Variants in MYMK observed in about 807,000 individuals in gnomAD.
MYMK encodes the protein protein myomaker.
A neutral mutation model predicts 22.4 loss-of-function variants in MYMK; 16 were observed. That is an observed-to-expected ratio of 0.72 (90% CI 0.48 to 1.09). The LOEUF (loss-of-function observed/expected upper bound fraction) is 1.09, where lower values mean the gene tolerates loss of function less well. Ranked by LOEUF, MYMK falls within the 50% of genes least tolerant of loss-of-function variation. The pLI, the probability that MYMK is intolerant of heterozygous loss-of-function variation, is 0.00. For synonymous variants in MYMK, 125 were observed against 127.0 expected (o/e 0.98, Z 0.11); for missense variants, 250 against 295.6 (o/e 0.85, Z 1.13).
intron 3 of MYMK, among the ~76,000 whole-genome samples, 187 bp downstream of exon 3, chr9:133,518,687 T>C (rs368333013): frequency 3.3e-4 from 50 of 151,956 alleles, no homozygotes; most frequent in Non-Finnish European, 5.9e-4. Context: ...CAGACAAGCG[T>C]CACACACAGT....
At chr9:133,523,098 C>A (rs1474045883) in intron 1 of MYMK, among the ~76,000 whole-genome samples, 2 of 152,244 alleles carry the variant, frequency 1.3e-5, no homozygotes, top group African/African-American at 2.4e-5. Flanking sequence ...GCCACTGTCA[C>A]CCCTGGGAGT....
At chr9:133,521,978 G>C (rs557360334) in intron 1 of MYMK, among the ~76,000 whole-genome samples, 1 of 152,238 alleles carries the variant, frequency 6.6e-6, no homozygotes. Flanking sequence ...CCAGCATAGA[G>C]TGCTTGCTGC....
In MYMK at chr9:133,515,856, A is replaced by G. The variant is rs553341458; in HGVS notation, c.400-249T>C. Among the ~76,000 whole-genome samples the G allele has an allele frequency of 6.6e-6, 1 of 152,218 alleles. No homozygotes were observed. The highest frequency in any genetic ancestry group is 2.1e-4 in the South Asian group (1 of 4,822). On this transcript the variant is annotated intron_variant, in intron 3 of 4. Coordinates refer to ENST00000339996, the MANE Select transcript of MYMK (RefSeq NM_001080483.3). The surrounding 1 kb of genome is among the most constrained non-coding windows in gnomAD (Gnocchi z 5.8). ...AGGAAGCCACTGGGCCATGTGCCCC[A>G]CAAAGACCCCGCTGCCCTCCCGCCT... is the stretch of plus-strand genomic sequence containing the variant.
chr9:133,523,718 A>G (rs1844731513), intron 1 of MYMK, among the ~76,000 whole-genome samples: 1 of 92,230 alleles, frequency 1.1e-5, no homozygotes, highest in Admixed American at 9.2e-5. Flanking sequence ...AGAGAGAGAG[A>G]GACAAGCTGG....
chr9:133,523,596 C>T (rs981653495), intron 1 of MYMK, among the ~76,000 whole-genome samples: 2 of 149,680 alleles, frequency 1.3e-5, no homozygotes, highest in Non-Finnish European at 1.5e-5. Context: ...CAGGGGGTAC[C>T]GAGACATATA....
chr9:133,523,490 G>A (rs1844726827), intron 1 of MYMK, among the ~76,000 whole-genome samples: 1 of 152,160 alleles, frequency 6.6e-6, no homozygotes, highest in South Asian at 2.1e-4. Flanking sequence ...GAGCAAGGAA[G>A]GCTTCGGGAG....
intron 1 of MYMK, among the ~76,000 whole-genome samples, chr9:133,522,692 C>A (rs1213490533): frequency 6.6e-6 from 1 of 152,202 alleles, no homozygotes; most frequent in Non-Finnish European, 1.5e-5. Flanking sequence ...GCCTTGAGAA[C>A]AAGACCTCAG....
intron 2 of MYMK, among the ~76,000 whole-genome samples, chr9:133,519,878 G>A (rs1844677558): frequency 6.6e-6 from 1 of 152,192 alleles, no homozygotes; most frequent in Admixed American, 6.5e-5. Context: ...TGACGGGAGG[G>A]AGCCCTTTCA....
At position 133,518,908 on chromosome 9, in the gene MYMK, A is replaced by T. The variant is rs1389031848; in HGVS notation, c.365T>A (p.Ile122Asn). The T allele has an allele frequency of 1.2e-6, 2 of 1,613,414 alleles. No homozygotes were observed. Among genetic ancestry groups the T allele is most frequent in the Admixed American group, 3.3e-5 (2 of 59,988 alleles). ...CGCGATGATGAGGATGGCTGTGCCG[A>T]TGGGGCCCGAGTACACCCCGTAGCC... The part of the protein sequence containing the change: ...RWGYGVYSGP[I>N]GTAILIIAAK... Residue 122 changes from isoleucine to asparagine, a missense_variant, in exon 3 of 5, where the codon ATC (isoleucine) becomes AAC (asparagine). Transcript: ENST00000339996.
chr9:133,520,315 A>G lies in MYMK; in HGVS notation c.136-27T>C, dbSNP rs9802272. ...TGCCAGAAAACCCACAGGTGGTCAC[A>G]GCACAAAGAGGCCAGAGCTGGTCCC... is the stretch of plus-strand genomic sequence containing the variant. On this transcript the variant is annotated intron_variant, in intron 1 of 4. Transcript: ENST00000339996. 1,184,627 of 1,600,212 alleles carry G rather than the reference A, an allele frequency of 0.74. 439,832 individuals carry two copies. Among genetic ancestry groups the G allele is most frequent in the Admixed American group, 0.83 (49,649 of 59,822 alleles).
chr9:133,517,001 G>T (rs1844638382), intron 3 of MYMK, among the ~76,000 whole-genome samples: 1 of 152,212 alleles, frequency 6.6e-6, no homozygotes, highest in Non-Finnish European at 1.5e-5. Context: ...CCCAGATGCG[G>T]GGAGGCGGGC....
In MYMK at chr9:133,518,869, C is replaced by T. The variant is rs755976471; in HGVS notation, c.399+5G>A. ...CCCGTTCATCGAGGCTCGCGCAGTACGCACCCACTTTGCCGCGATGATGAG... is the reference window on the plus strand; with the variant it reads ...CCCGTTCATCGAGGCTCGCGCAGTATGCACCCACTTTGCCGCGATGATGAG... On this transcript the variant is annotated splice_donor_5th_base_variant and intron_variant, in intron 3 of 4. Transcript: ENST00000339996. 3.5e-5 allele frequency: 57 copies of T among 1,610,778 alleles called. No individual in the cohort carries two copies. Among genetic ancestry groups the T allele is most frequent in the South Asian group, 4.4e-5 (4 of 90,962 alleles).
intron 3 of MYMK, among the ~76,000 whole-genome samples, chr9:133,517,099 C>T (rs1844640858): frequency 6.6e-6 from 1 of 152,170 alleles, no homozygotes; most frequent in Admixed American, 6.5e-5. Context: ...GCAGTGAATT[C>T]TCTTCTGGGC....
chr9:133,519,079 C>A, intron 2 of MYMK, 57 bp from the exon 3 acceptor site: 1 of 1,603,900 alleles, frequency 6.2e-7, no homozygotes, highest in Non-Finnish European at 8.5e-7. Context: ...CTCCTCCTGG[C>A]TACCCCCCCA....
intron 1 of MYMK, among the ~76,000 whole-genome samples, chr9:133,520,493 A>G (rs2131070767): frequency 1.3e-5 from 2 of 152,360 alleles, no homozygotes; most frequent in South Asian, 4.1e-4. Context: ...ATTAAGTGGC[A>G]CATGCCAGCG....
chr9:133,517,261 C>T (rs968557187), intron 3 of MYMK, among the ~76,000 whole-genome samples: 22 of 152,326 alleles, frequency 1.4e-4, no homozygotes, highest in African/African-American at 3.8e-4. Context: ...TTATGCCCAG[C>T]GCTCCCTCTC....
In MYMK at chr9:133,515,583, CCTT is replaced by C. The variant is rs757066009; in HGVS notation, c.421_423del (p.Lys141del). The C allele has an allele frequency of 2.5e-6, 4 of 1,613,342 alleles. No homozygotes were observed. The highest frequency in any genetic ancestry group is 2.2e-5 in the South Asian group (2 of 91,066). Reference sequence around the variant, plus strand: ...TAGACGCTCTTGTCTGGGTACAGGCCCTTCTTCTCCTTCATCTTCTGTAGCTGT... The same window carrying C: ...TAGACGCTCTTGTCTGGGTACAGGCCCTTCTCCTTCATCTTCTGTAGCTGT... On this transcript the variant is annotated inframe_deletion, in exon 4 of 5. Transcript: ENST00000339996. The surrounding 1 kb of genome is among the most constrained non-coding windows in gnomAD (Gnocchi z 5.8).
At chr9:133,518,732 C>G (rs368794420) in intron 3 of MYMK, 142 bp downstream of exon 3, 1 of 1,080,946 alleles carries the variant, frequency 9.3e-7, no homozygotes, top group Admixed American at 2.5e-5. Context: ...CTATTTTCTA[C>G]GTGGTTTTGC....
rs763827755 is a variant in MYMK, at chr9:133,515,646, C to T, written c.400-39G>A. 9 of 1,422,434 alleles carry T rather than the reference C, an allele frequency of 6.3e-6. No homozygotes were observed. The South Asian group carries it at 8.0e-5, about 13-fold the overall frequency. 88.1% of individuals were successfully genotyped at this position (1,422,434 alleles called of 1,614,324 possible). A position where few individuals can be genotyped will look rare whatever the true frequency, so the allele number is the denominator to read the frequency against. On this transcript the variant is annotated intron_variant, in intron 3 of 4. Transcript: ENST00000339996. This position sits in a 1 kb window ranked among gnomAD's most constrained non-coding sequence, Gnocchi z 5.8. ...AGGCCACAGCAAAGCTTTTAGGTCACAGCACTGGGGAACGCCCCTCCCCAA... is the reference window on the plus strand; with the variant it reads ...AGGCCACAGCAAAGCTTTTAGGTCATAGCACTGGGGAACGCCCCTCCCCAA...
Sources: gnomAD v4.1 joint callset for allele counts (sites outside exome capture counted in the v4.1 genomes callset) on GRCh38, gnomAD v4.1.1 for gene constraint, Gnocchi (gnomAD v3.1) non-coding constraint, MANE v1.5 for transcripts, NCBI Gene and HGNC (gene_info 2026-07-23, HGNC 2026-07-21) for gene names.